Variants in EYS observed in about 807,000 individuals in gnomAD.
EYS encodes the protein protein eyes shut homolog.
EYS carries 250 observed loss-of-function variants against 282.1 expected under a neutral mutation model. The observed-to-expected ratio is 0.89, with a 90% CI of 0.80 to 0.98. EYS has a LOEUF of 0.98. Among genes scored for constraint, EYS ranks in the 50% least tolerant of loss-of-function variants. The pLI is 0.00. For missense variants in EYS, 4,016 were observed against 3,709.0 expected (o/e 1.08, Z -2.15); for synonymous variants, 1,355 against 1,282.9 (o/e 1.06, Z -1.20).
At chr6:65,092,858 A>C (rs1346959601) in intron 12 of EYS, among the ~76,000 whole-genome samples, 1 of 152,146 alleles carries the variant, frequency 6.6e-6, no homozygotes, top group East Asian at 1.9e-4. Context: ...ACCAATATAC[A>C]CATTGTGGGA....
intron 21 of EYS, among the ~76,000 whole-genome samples, chr6:64,813,939 C>T (rs1764674851): frequency 6.6e-6 from 1 of 151,984 alleles, no homozygotes; most frequent in Admixed American, 6.6e-5. Flanking sequence ...TCTCAGTTTT[C>T]CCAAAACAGC....
At chr6:64,737,040 G>T (rs956740187) in intron 22 of EYS, among the ~76,000 whole-genome samples, 2 of 152,074 alleles carry the variant, frequency 1.3e-5, no homozygotes, top group African/African-American at 4.8e-5. Context: ...CACCCAAATT[G>T]TGAAGAAACA....
intron 22 of EYS, among the ~76,000 whole-genome samples, chr6:64,707,652 G>A (rs2149931411): frequency 1.6e-5 from 2 of 126,318 alleles, no homozygotes; most frequent in Non-Finnish European, 3.3e-5. Flanking sequence ...GCGACAGAGT[G>A]AGACTCGTAT....
chr6:63,841,180 A>G (rs1771947364), intron 36 of EYS, among the ~76,000 whole-genome samples: 3 of 152,218 alleles, frequency 2.0e-5, no homozygotes, highest in Non-Finnish European at 4.4e-5. Context: ...GACTAGATTA[A>G]TGATTCATAA....
intron 30 of EYS, among the ~76,000 whole-genome samples, chr6:64,261,564 A>G (rs1233393116): frequency 6.6e-6 from 1 of 152,054 alleles, no homozygotes; most frequent in East Asian, 1.9e-4. Flanking sequence ...TTCATGTTTT[A>G]TTAACATGTA....
At chr6:64,632,767 C>A (rs1320102778) in intron 22 of EYS, among the ~76,000 whole-genome samples, 9 of 152,062 alleles carry the variant, frequency 5.9e-5, no homozygotes, top group Admixed American at 5.9e-4. Context: ...AGTGAATAGG[C>A]AAAGCCAATG....
At chr6:64,921,684 A>G in intron 15 of EYS, among the ~76,000 whole-genome samples, 1 of 152,350 alleles carries the variant, frequency 6.6e-6, no homozygotes, top group East Asian at 1.9e-4. Flanking sequence ...TTATCTTTGT[A>G]AAGTATGAAG....
chr6:63,776,899 A>G (rs1168355073), intron 40 of EYS, among the ~76,000 whole-genome samples: 1 of 152,216 alleles, frequency 6.6e-6, no homozygotes, highest in Non-Finnish European at 1.5e-5. Flanking sequence ...AACTCTTTAG[A>G]TAAAGTGAAG....
intron 28 of EYS, among the ~76,000 whole-genome samples, chr6:64,400,598 T>C (rs544686369): frequency 6.6e-6 from 1 of 152,214 alleles, no homozygotes; most frequent in East Asian, 1.9e-4. Context: ...CTTGTGCTGA[T>C]TGTGCTCGAT....
At chr6:64,564,824 T>C (rs1424113160) in intron 26 of EYS, among the ~76,000 whole-genome samples, 1 of 152,046 alleles carries the variant, frequency 6.6e-6, no homozygotes, top group Non-Finnish European at 1.5e-5. Context: ...AGGGATAGCA[T>C]TAGGAGAAAT....
intron 12 of EYS, among the ~76,000 whole-genome samples, chr6:65,183,921 A>G (rs1259428859): frequency 1.3e-5 from 2 of 151,932 alleles, no homozygotes; most frequent in Non-Finnish European, 2.9e-5. Flanking sequence ...AAGCTGAAAT[A>G]CAGTGTGTCT....
chr6:64,998,442 A>T (rs900915092), intron 13 of EYS, among the ~76,000 whole-genome samples: 2 of 152,174 alleles, frequency 1.3e-5, no homozygotes, highest in African/African-American at 4.8e-5. Flanking sequence ...TATTACTCTC[A>T]TTAAATGCTT....
At chr6:63,739,507 C>G (rs528277244) in intron 41 of EYS, among the ~76,000 whole-genome samples, 21 of 152,234 alleles carry the variant, frequency 1.4e-4, no homozygotes, top group African/African-American at 4.8e-4. Context: ...CAAGGCAGCT[C>G]TCTTCAGTCC....
chr6:64,708,143 T>C (rs1022269230), intron 22 of EYS, among the ~76,000 whole-genome samples: 1 of 152,180 alleles, frequency 6.6e-6, no homozygotes, highest in Admixed American at 6.5e-5. Context: ...GTAACACGTA[T>C]GCAGGCCTGA....
In EYS at chr6:64,928,343, A is replaced by G. The variant is rs138944898; in HGVS notation, c.2382-15600T>C. 4.7e-4 allele frequency among the ~76,000 whole-genome samples: 71 copies of G among 152,142 alleles called. 2 individuals are homozygous for G. Among genetic ancestry groups the G allele is most frequent in the African/African-American group, 1.7e-3 (69 of 41,544 alleles). On this transcript the variant is annotated intron_variant, in intron 15 of 42. Coordinates refer to ENST00000503581, the MANE Select transcript of EYS (RefSeq NM_001142800.2). ...TGCAGCAAATAATATTCTCATGTACATTTTTCCTTTATTTCCATATGTGAT... is the reference window on the plus strand; with the variant it reads ...TGCAGCAAATAATATTCTCATGTACGTTTTTCCTTTATTTCCATATGTGAT...
At chr6:63,870,856 G>A (rs529757235) in intron 35 of EYS, among the ~76,000 whole-genome samples, 5 of 152,236 alleles carry the variant, frequency 3.3e-5, no homozygotes, top group South Asian at 4.2e-4. Flanking sequence ...GATGAAGTTA[G>A]GTGCACAGTT....
chr6:64,815,905 A>C (rs1013651780), intron 21 of EYS, among the ~76,000 whole-genome samples: 1 of 152,070 alleles, frequency 6.6e-6, no homozygotes, highest in Non-Finnish European at 1.5e-5. Flanking sequence ...GGCAAAGTAC[A>C]TACTGGGCTA....
chr6:65,445,932 A>G (rs1768637156), intron 5 of EYS, among the ~76,000 whole-genome samples: 1 of 151,862 alleles, frequency 6.6e-6, no homozygotes, highest in African/African-American at 2.4e-5. Context: ...TTATAATATC[A>G]ATAAGATTCA....
At chr6:63,964,554 C>T (rs563533134) in intron 35 of EYS, among the ~76,000 whole-genome samples, 4 of 152,154 alleles carry the variant, frequency 2.6e-5, no homozygotes, top group Admixed American at 6.5e-5. Flanking sequence ...GCAAAACATG[C>T]TTTCTTACAG....
Sources: allele counts gnomAD v4.1 joint callset (sites outside exome capture counted in the v4.1 genomes callset), GRCh38; gene constraint gnomAD v4.1.1; transcripts MANE v1.5; gene names NCBI Gene and HGNC (gene_info 2026-07-23, HGNC 2026-07-21).